The following TENM3 variants were observed in gnomAD, a reference collection of about 807,000 sequenced individuals.
TENM3 encodes teneurin transmembrane protein 3, also known as teneurin-3.
TENM3 carries 63 observed loss-of-function variants against 255.1 expected under a neutral mutation model. That is an observed-to-expected ratio of 0.25 (90% CI 0.20 to 0.30). TENM3 has a LOEUF of 0.30. Ranked by LOEUF, TENM3 falls within the 10% of genes least tolerant of loss-of-function variation. The probability of loss-of-function intolerance (pLI) is 1.00; values close to 1 mark genes in which losing one functional copy is unlikely to be tolerated. For synonymous variants in TENM3, 1,306 were observed against 1,322.3 expected (o/e 0.99, Z 0.27); for missense variants, 2,929 against 3,461.1 (o/e 0.85, Z 3.86).
At chr4:181,675,044 T>A in the TENM3 span, among the ~76,000 whole-genome samples, 2 of 152,122 alleles carry the variant, frequency 1.3e-5, no homozygotes, top group Non-Finnish European at 2.9e-5. Flanking sequence ...GACTTATAAT[T>A]TTTAAATCCT....
At chr4:181,959,240 G>A in the TENM3 span, among the ~76,000 whole-genome samples, 1 of 152,062 alleles carries the variant, frequency 6.6e-6, no homozygotes, top group African/African-American at 2.4e-5. Context: ...CACATTCCAG[G>A]CCCCCAGTGG....
chr4:182,489,135 T>C (rs1278578323), intron 3 of TENM3, among the ~76,000 whole-genome samples: 2 of 152,164 alleles, frequency 1.3e-5, no homozygotes, highest in African/African-American at 2.4e-5. Context: ...AAGAATTTGA[T>C]CGTTAAGGGA....
At chr4:182,612,271 C>CAA (rs67422711) in intron 4 of TENM3, among the ~76,000 whole-genome samples, 2,688 of 66,970 alleles carry the variant, frequency 0.04, 59 homozygotes, top group East Asian at 0.16. Context: ...GACTCGGTCT[C>CAA]AAAAAAAAAA....
chr4:181,784,143 A>G, the TENM3 span, among the ~76,000 whole-genome samples: 2 of 147,790 alleles, frequency 1.4e-5, no homozygotes, highest in Non-Finnish European at 3.0e-5. Flanking sequence ...TTTACTCTAA[A>G]TGGAAACGAG....
At chr4:182,065,352 A>C in the TENM3 span, among the ~76,000 whole-genome samples, 1 of 152,188 alleles carries the variant, frequency 6.6e-6, no homozygotes, top group South Asian at 2.1e-4. Flanking sequence ...ATAATTTATA[A>C]AGAAAAGAGG....
the TENM3 span, among the ~76,000 whole-genome samples, chr4:181,526,431 T>A: frequency 6.6e-6 from 1 of 152,200 alleles, no homozygotes; most frequent in African/African-American, 2.4e-5. Flanking sequence ...TCACTGTATC[T>A]GCTTAAGTTG....
At chr4:182,699,872 A>G (rs1160945748) in intron 12 of TENM3, among the ~76,000 whole-genome samples, 1 of 151,998 alleles carries the variant, frequency 6.6e-6, no homozygotes, top group Non-Finnish European at 1.5e-5. Flanking sequence ...ACCGAAACCG[A>G]GTATATTGGA....
chr4:181,903,763 A>C, the TENM3 span, among the ~76,000 whole-genome samples: 5 of 152,090 alleles, frequency 3.3e-5, no homozygotes, highest in Non-Finnish European at 5.9e-5. Flanking sequence ...GGCCCTGAGG[A>C]GGGCCCCTCC....
the TENM3 span, among the ~76,000 whole-genome samples, chr4:181,917,905 A>G: frequency 6.6e-6 from 1 of 151,190 alleles, no homozygotes; most frequent in Non-Finnish European, 1.5e-5. Context: ...CAAATGATCC[A>G]CCCACTTCAG....
At chr4:182,260,108 T>C (rs975902419) in intron 1 of TENM3, among the ~76,000 whole-genome samples, 1 of 152,212 alleles carries the variant, frequency 6.6e-6, no homozygotes, top group Non-Finnish European at 1.5e-5. Context: ...ATTGTGTGTA[T>C]GGACTAAATT....
intron 1 of TENM3, among the ~76,000 whole-genome samples, chr4:182,218,647 G>T (rs1002809599): frequency 6.6e-6 from 1 of 152,126 alleles, no homozygotes; most frequent in Non-Finnish European, 1.5e-5. Flanking sequence ...TGCAATTTTG[G>T]TGGGTCAAAA....
chr4:182,017,342 T>A, the TENM3 span, among the ~76,000 whole-genome samples: 2 of 152,230 alleles, frequency 1.3e-5, no homozygotes, highest in African/African-American at 2.4e-5. Context: ...TTTTTTCATC[T>A]TCTACTCTAC....
chr4:181,464,055 A>G, the TENM3 span, among the ~76,000 whole-genome samples: 1,432 of 152,278 alleles, frequency 9.4e-3, 18 homozygotes, highest in African/African-American at 0.032. Context: ...TTATAATTTG[A>G]TGGACAGTTG....
chr4:181,530,928 T>C, the TENM3 span, among the ~76,000 whole-genome samples: 1 of 152,282 alleles, frequency 6.6e-6, no homozygotes, highest in Non-Finnish European at 1.5e-5. Flanking sequence ...AGTTCTGTGT[T>C]TCACAAATTA....
the TENM3 span, among the ~76,000 whole-genome samples, chr4:182,060,381 T>C: frequency 0.41 from 62,121 of 152,024 alleles, 16,098 homozygotes; most frequent in African/African-American, 0.74. Context: ...AACTGTTCTA[T>C]CTCAGATCAT....
intron 1 of TENM3, among the ~76,000 whole-genome samples, chr4:182,154,620 T>C (rs1023839999): frequency 3.3e-5 from 5 of 152,202 alleles, no homozygotes; most frequent in African/African-American, 1.2e-4. Flanking sequence ...GGGCATTGAT[T>C]CTTGCGGGGT....
At chr4:182,669,401 C>A (rs560434875) in intron 6 of TENM3, among the ~76,000 whole-genome samples, 1 of 152,016 alleles carries the variant, frequency 6.6e-6, no homozygotes, top group Non-Finnish European at 1.5e-5. Flanking sequence ...TCCCGAGTAG[C>A]TGGGACTACA....
At chr4:182,131,348 T>C in the TENM3 span, among the ~76,000 whole-genome samples, 1 of 152,210 alleles carries the variant, frequency 6.6e-6, no homozygotes, top group Non-Finnish European at 1.5e-5. Flanking sequence ...TAAACCTAAA[T>C]GGATAAAATG....
chr4:181,878,469 G>A, the TENM3 span, among the ~76,000 whole-genome samples: 1 of 152,068 alleles, frequency 6.6e-6, no homozygotes, highest in South Asian at 2.1e-4. Context: ...GTTTCATAGT[G>A]TAGCACATCA....
Sources: allele counts gnomAD v4.1 joint callset (sites outside exome capture counted in the v4.1 genomes callset), GRCh38; gene constraint gnomAD v4.1.1; transcripts MANE v1.5; gene names NCBI Gene and HGNC (gene_info 2026-07-23, HGNC 2026-07-21).